Variants in PCDHGB3 observed in about 807,000 individuals in gnomAD.
PCDHGB3 encodes the protein protocadherin gamma-B3.
A neutral mutation model predicts 59.2 loss-of-function variants in PCDHGB3; 40 were observed. That is an observed-to-expected ratio of 0.68 (90% CI 0.52 to 0.88). The LOEUF (loss-of-function observed/expected upper bound fraction) is 0.88. Ranked by LOEUF, PCDHGB3 falls within the 40% of genes least tolerant of loss-of-function variation. The pLI is 0.00. For missense variants in PCDHGB3, 1,309 were observed against 1,187.9 expected, an observed-to-expected ratio of 1.10 and a Z score of -1.50; for synonymous variants, 581 against 503.6, an observed-to-expected ratio of 1.15 and a Z score of -2.06.
chr5:141,460,822 C>A (rs2098998601), intron 1 of PCDHGB3, among the ~76,000 whole-genome samples: 2 of 151,502 alleles, frequency 1.3e-5, no homozygotes, highest in South Asian at 4.1e-4. Context: ...TACATATATA[C>A]ACACTTAAAG....
At chr5:141,421,964 C>A (rs772274014) in intron 1 of PCDHGB3, 3 of 1,611,350 alleles carry the variant, frequency 1.9e-6, no homozygotes, top group Non-Finnish European at 2.5e-6. Flanking sequence ...TTTACACAGT[C>A]CGTATATCGC....
rs764067454 is a variant in PCDHGB3 at position 141,413,998 on chromosome 5, G to C, written c.2415+41189G>C. On this transcript the variant is annotated intron_variant, in intron 1 of 3. Coordinates refer to ENST00000576222, the MANE Select transcript of PCDHGB3 (RefSeq NM_018924.5). Reference sequence around the variant, plus strand: ...GACAGTCACAGCCACCGACAGGGACGAAGGTGCCAATGGAGAAGTGACATA... The same window carrying C: ...GACAGTCACAGCCACCGACAGGGACCAAGGTGCCAATGGAGAAGTGACATA... 29 of 1,613,320 alleles carry C rather than the reference G, an allele frequency of 1.8e-5. No individual in the cohort carries two copies. The Admixed American group carries it at 4.8e-4, about 27-fold the overall frequency.
intron 1 of PCDHGB3, among the ~76,000 whole-genome samples, chr5:141,466,449 T>C (rs2154569205): frequency 6.6e-6 from 1 of 152,358 alleles, no homozygotes; most frequent in Admixed American, 6.5e-5. Flanking sequence ...ATGTCTATGG[T>C]GTTGGCTATT....
intron 1 of PCDHGB3, among the ~76,000 whole-genome samples, chr5:141,454,172 CAGCTAAAGG>C (rs1351117555): frequency 6.6e-6 from 1 of 152,126 alleles, no homozygotes; most frequent in Admixed American, 6.5e-5. Context: ...TCTAGAAGGG[CAGCTAAAGG>C]AGCTTAGTGA....
At chr5:141,505,536 C>T (rs749205049) in intron 3 of PCDHGB3, 55 bp downstream of exon 3, 9 of 1,610,164 alleles carry the variant, frequency 5.6e-6, no homozygotes, top group Non-Finnish European at 7.6e-6. Context: ...TTCTGGGGTG[C>T]ATCTCACAGC....
Position 141,486,416 on chromosome 5 carries a change from C to G in PCDHGB3, c.2416-8391C>G. The G allele has an allele frequency of 4.3e-6, 7 of 1,614,152 alleles. No homozygotes were observed. The highest frequency in any genetic ancestry group is 5.9e-6 in the Non-Finnish European group (7 of 1,180,016). On this transcript the variant is annotated intron_variant, in intron 1 of 3. Coordinates refer to ENST00000576222, the MANE Select transcript of PCDHGB3 (RefSeq NM_018924.5). The surrounding 1 kb of genome is among the most constrained non-coding windows in gnomAD (Gnocchi z 5.0). Reference sequence around the variant, plus strand: ...CCTGGTGACTGCTGGACCCTTGGATCGAGAGGCCAAATCTAGCTATGACAT... The same window carrying G: ...CCTGGTGACTGCTGGACCCTTGGATGGAGAGGCCAAATCTAGCTATGACAT...
chr5:141,384,770 G>A, intron 1 of PCDHGB3: 3 of 1,613,906 alleles, frequency 1.9e-6, no homozygotes, highest in Non-Finnish European at 2.5e-6. Flanking sequence ...CTGTACACGG[G>A]CGAGGTGCGC....
chr5:141,386,913 A>T lies in PCDHGB3; in HGVS notation c.2415+14104A>T, dbSNP rs575520734. On this transcript the variant is annotated intron_variant, in intron 1 of 3. Coordinates refer to ENST00000576222, the MANE Select transcript of PCDHGB3 (RefSeq NM_018924.5). ...TCCTTCAATTCAGAGGTCACCAAGG[A>T]ATGTAAAATAAGTGCAGAGGTAGGA... Among the ~76,000 whole-genome samples the T allele has an allele frequency of 1.0e-3, 156 of 152,358 alleles. 1 individual carries two copies. The Middle Eastern group carries it at 0.017, about 17-fold the overall frequency.
Position 141,476,755 on chromosome 5 carries a change from G to A in PCDHGB3, c.2416-18052G>A, listed in dbSNP as rs1307512875. The stretch of plus-strand genomic sequence containing the variant: ...AACGGGAGCCTAGTCTCCAGTTAGT[G>A]CTGACGGCGTTGGACGGAGGGACCC... On this transcript the variant is annotated intron_variant, in intron 1 of 3. Coordinates refer to ENST00000576222, the MANE Select transcript of PCDHGB3 (RefSeq NM_018924.5). This position sits in a 1 kb window ranked among gnomAD's most constrained non-coding sequence, Gnocchi z 7.6. 1.2e-6 allele frequency: 2 copies of A among 1,613,828 alleles called. No homozygotes were observed. Among genetic ancestry groups the A allele is most frequent in the Non-Finnish European group, 1.7e-6 (2 of 1,180,036 alleles).
rs766038218 is a variant in PCDHGB3 at position 141,398,581 on chromosome 5, T to C, written c.2415+25772T>C. The stretch of plus-strand genomic sequence containing the variant: ...TGAGTCTGCACAGCCTGGCACAAGA[T>C]TTATACTAGAAGTAGCAGAAGATGC... On this transcript the variant is annotated intron_variant, in intron 1 of 3. Transcript: ENST00000576222. The C allele has an allele frequency of 1.2e-5, 20 of 1,614,028 alleles. No individual in the cohort carries two copies. In the Admixed American group the frequency reaches 2.2e-4, roughly 17 times the overall value.
chr5:141,438,595 T>TAC (rs2098000070), intron 1 of PCDHGB3, among the ~76,000 whole-genome samples: 6 of 58,022 alleles, frequency 1.0e-4, no homozygotes, highest in African/African-American at 1.8e-4. Context: ...TACATACATA[T>TAC]ATATATATAT....
chr5:141,489,225 A>G lies in PCDHGB3; in HGVS notation c.2416-5582A>G. 3 of 1,518,230 alleles carry G rather than the reference A, an allele frequency of 2.0e-6. No individual in the cohort carries two copies. Among genetic ancestry groups the G allele is most frequent in the East Asian group, 2.3e-5 (1 of 44,234 alleles). 94.0% of individuals were successfully genotyped at this position (1,518,230 alleles called of 1,614,324 possible). On this transcript the variant is annotated intron_variant, in intron 1 of 3. Coordinates refer to ENST00000576222, the MANE Select transcript of PCDHGB3 (RefSeq NM_018924.5). The surrounding 1 kb of genome is among the most constrained non-coding windows in gnomAD (Gnocchi z 4.5). ...GGACAGCACAGACTTACTCTCCACA[A>G]AGGGACTTCTGGGTCATGGGGCCCA...
intron 1 of PCDHGB3, chr5:141,399,528 C>A: frequency 6.2e-7 from 1 of 1,614,046 alleles, no homozygotes; most frequent in Non-Finnish European, 8.5e-7. Flanking sequence ...GGGCCTCCAT[C>A]GCGCAAGTCT....
At chr5:141,500,188 ATT>A (rs2099797463) in intron 2 of PCDHGB3, among the ~76,000 whole-genome samples, 1 of 98,146 alleles carries the variant, frequency 1.0e-5, no homozygotes, top group African/African-American at 5.1e-5. Flanking sequence ...TTTTATTTTT[ATT>A]TATTTATTTA....
intron 1 of PCDHGB3, chr5:141,414,379 A>G (rs2095740987): frequency 1.2e-6 from 2 of 1,613,912 alleles, no homozygotes; most frequent in African/African-American, 1.3e-5. Context: ...AGAAAAGTCC[A>G]TTGACAGTTA....
chr5:141,446,408 C>A (rs1211716327), intron 1 of PCDHGB3, among the ~76,000 whole-genome samples: 1 of 151,898 alleles, frequency 6.6e-6, no homozygotes, highest in African/African-American at 2.4e-5. Flanking sequence ...GAGTTGAGTT[C>A]CAGCCATGTT....
chr5:141,393,917 C>T (rs1429211009), intron 1 of PCDHGB3: 12 of 1,613,806 alleles, frequency 7.4e-6, no homozygotes, highest in Non-Finnish European at 1.7e-6. Context: ...TAATTGCCTT[C>T]TTGAGTGTGC....
At chr5:141,498,105 G>A (rs150297456) in intron 2 of PCDHGB3, among the ~76,000 whole-genome samples, 4 of 152,206 alleles carry the variant, frequency 2.6e-5, no homozygotes, top group African/African-American at 9.7e-5. Flanking sequence ...TGGTGTGGGC[G>A]TATAATAGGG....
chr5:141,433,098 T>G, intron 1 of PCDHGB3: 1 of 1,614,204 alleles, frequency 6.2e-7, no homozygotes, highest in Non-Finnish European at 8.5e-7. Context: ...GACATGCTCG[T>G]CAGCCAGGAG....
Sources: allele counts gnomAD v4.1 joint callset (sites outside exome capture counted in the v4.1 genomes callset), GRCh38; gene constraint gnomAD v4.1.1; non-coding constraint Gnocchi (gnomAD v3.1); transcripts MANE v1.5; gene names NCBI Gene and HGNC (gene_info 2026-07-23, HGNC 2026-07-21).